Variants in TUBGCP3 observed in about 807,000 individuals in gnomAD.
TUBGCP3 encodes tubulin gamma complex component 3.
A neutral mutation model predicts 123.1 loss-of-function variants in TUBGCP3; 50 were observed. That is an observed-to-expected ratio of 0.41 (90% CI 0.32 to 0.51). The LOEUF (loss-of-function observed/expected upper bound fraction) is 0.51, where lower values mean the gene tolerates loss of function less well. TUBGCP3 is among the 20% of genes least tolerant of loss of function. The probability of loss-of-function intolerance (pLI) is 0.36; values close to 1 mark genes in which losing one functional copy is unlikely to be tolerated. For synonymous variants in TUBGCP3, 405 were observed against 413.9 expected (o/e 0.98, Z 0.26); for missense variants, 882 against 1,127.0 (o/e 0.78, Z 3.11).
chr13:112,525,178 T>C (rs755742860), intron 13 of TUBGCP3, among the ~76,000 whole-genome samples: 2 of 152,240 alleles, frequency 1.3e-5, no homozygotes, highest in Non-Finnish European at 1.5e-5. Flanking sequence ...TTATTTTCAC[T>C]ACAATCTTTA....
In TUBGCP3 at chr13:112,522,507, C is replaced by T. The variant is rs1876709479; in HGVS notation, c.1558G>A (p.Ala520Thr). ...TKSAESPQDA[A>T]DLFTDLENAF... Reference sequence around the variant, plus strand: ...TTTTCCAAGTCTGTGAATAGGTCTGCAGCTGTAAAGAACAACAGGGAAGAG... The same window carrying T: ...TTTTCCAAGTCTGTGAATAGGTCTGTAGCTGTAAAGAACAACAGGGAAGAG... The change falls in exon 14 of 22, where the codon GCA (alanine) becomes ACA (threonine). Residue 520 changes from alanine to threonine, a missense_variant and splice_region_variant. Physicochemically the swap from Ala to Thr is moderately conservative, Grantham distance 58. Coordinates refer to ENST00000261965, the MANE Select transcript of TUBGCP3 (RefSeq NM_006322.6). 6.2e-7 allele frequency: 1 copy of T among 1,610,450 alleles called. No homozygotes were observed. Among genetic ancestry groups the T allele is most frequent in the Admixed American group, 1.7e-5 (1 of 59,936 alleles).
intron 17 of TUBGCP3, among the ~76,000 whole-genome samples, chr13:112,506,902 C>A (rs552179182): frequency 1.3e-5 from 2 of 152,178 alleles, no homozygotes; most frequent in African/African-American, 2.4e-5. Context: ...TAGGTTTTAA[C>A]GCAGAGCTCA....
intron 16 of TUBGCP3, among the ~76,000 whole-genome samples, chr13:112,518,755 T>C (rs1488915338): frequency 6.6e-6 from 1 of 152,190 alleles, no homozygotes; most frequent in Non-Finnish European, 1.5e-5. Flanking sequence ...ACAAATGATA[T>C]TTTTAAGAAT....
chr13:112,518,712 A>G (rs976289791), intron 16 of TUBGCP3, among the ~76,000 whole-genome samples: 1 of 152,244 alleles, frequency 6.6e-6, no homozygotes, highest in Non-Finnish European at 1.5e-5. Context: ...TGAACAGTCC[A>G]TTTATTAAGG....
intron 1 of TUBGCP3, 121 bp downstream of exon 1, chr13:112,587,784 C>A: frequency 1.1e-6 from 1 of 901,710 alleles, no homozygotes; most frequent in South Asian, 1.9e-5. Flanking sequence ...CGGCCCGTCC[C>A]CCAGCCCTCT....
chr13:112,512,294 T>G (rs1257816725), intron 17 of TUBGCP3, among the ~76,000 whole-genome samples: 1 of 151,584 alleles, frequency 6.6e-6, no homozygotes. Context: ...CTGGGCATGG[T>G]GTACATGCCT....
intron 17 of TUBGCP3, among the ~76,000 whole-genome samples, chr13:112,506,933 C>A (rs370550246): frequency 1.5e-4 from 23 of 152,186 alleles, no homozygotes; most frequent in Non-Finnish European, 7.3e-5. Flanking sequence ...CTGTGTCTTA[C>A]CCCACTGAAG....
chr13:112,549,163 T>G (rs1402615549), intron 8 of TUBGCP3, among the ~76,000 whole-genome samples: 2 of 152,060 alleles, frequency 1.3e-5, no homozygotes, highest in African/African-American at 2.4e-5. Context: ...CCATAAAAAA[T>G]GATGAGTTCA....
chr13:112,600,818 T>G, the TUBGCP3 span, among the ~76,000 whole-genome samples: 1 of 152,184 alleles, frequency 6.6e-6, no homozygotes, highest in Non-Finnish European at 1.5e-5. Flanking sequence ...GGTCTATAGT[T>G]ACGGTTTTTG....
intron 11 of TUBGCP3, among the ~76,000 whole-genome samples, chr13:112,527,830 G>A (rs547794080): frequency 4.6e-5 from 7 of 152,284 alleles, no homozygotes; most frequent in African/African-American, 1.7e-4. Flanking sequence ...TCCCTCACAG[G>A]CAGCAGCTGT....
rs780916638 is a variant in TUBGCP3 at position 112,487,213 on chromosome 13, G to A, written c.2566-1062C>T. ...TGATGTGATGAAACTGAAATACAAC[G>A]GTCTGTGGAACTACTAAAAGGAAAT... On this transcript the variant is annotated intron_variant, in intron 21 of 21. Transcript: ENST00000261965. 2.0e-5 allele frequency among the ~76,000 whole-genome samples: 3 copies of A among 152,012 alleles called. No individual in the cohort carries two copies. In the East Asian group the frequency reaches 5.8e-4, roughly 29 times the overall value.
At chr13:112,541,063 T>C (rs78451902) in intron 11 of TUBGCP3, among the ~76,000 whole-genome samples, 1 of 152,288 alleles carries the variant, frequency 6.6e-6, no homozygotes, top group African/African-American at 2.4e-5. Context: ...AGTTTAAACA[T>C]ATTAAAGAAA....
At chr13:112,495,576 G>C (rs1344508348) in intron 20 of TUBGCP3, among the ~76,000 whole-genome samples, 2 of 152,104 alleles carry the variant, frequency 1.3e-5, no homozygotes, top group Non-Finnish European at 2.9e-5. Context: ...AATGATAACA[G>C]GGAGGGTTCT....
rs756788501 is a variant in TUBGCP3, at chr13:112,516,465, A to G, written c.2061T>C (p.Asn687=). Residue 687 remains asparagine (N), a synonymous_variant, in exon 17 of 22, where the codon AAT becomes AAC. Transcript: ENST00000261965. ...LTDIRKGHMC[N]AKLLRNMPEF... ...CTGGCATGTTTCTCAGGAGCTTTGC[A>G]TTGCACATGTGTCCCTTCCGTATGT... is the stretch of plus-strand genomic sequence containing the variant. 3.7e-6 allele frequency: 6 copies of G among 1,611,158 alleles called. No individual in the cohort carries two copies. The highest frequency in any genetic ancestry group is 3.3e-5 in the Admixed American group (2 of 59,764).
At chr13:112,528,854 G>GC (rs1877336682) in intron 11 of TUBGCP3, among the ~76,000 whole-genome samples, 1 of 150,306 alleles carries the variant, frequency 6.7e-6, no homozygotes. Context: ...ACCTAGATCT[G>GC]TTTTTTTTTC....
At chr13:112,551,952 G>A (rs1384923914) in intron 8 of TUBGCP3, among the ~76,000 whole-genome samples, 1 of 152,090 alleles carries the variant, frequency 6.6e-6, no homozygotes, top group Admixed American at 6.6e-5. Context: ...ATTCTCATAC[G>A]AAGCATGCAA....
chr13:112,489,932 G>T, intron 20 of TUBGCP3: 1 of 542,212 alleles, frequency 1.8e-6, no homozygotes, highest in Non-Finnish European at 3.3e-6. Flanking sequence ...TGCCTCTGTT[G>T]TTTTTAATAT....
intron 8 of TUBGCP3, among the ~76,000 whole-genome samples, chr13:112,550,886 CAGG>C (rs1404658499): frequency 1.3e-5 from 2 of 152,168 alleles, no homozygotes; most frequent in African/African-American, 4.8e-5. Flanking sequence ...ATCATGAGGT[CAGG>C]AGATTAAGAC....
intron 1 of TUBGCP3, among the ~76,000 whole-genome samples, chr13:112,571,698 T>C (rs530842025): frequency 6.6e-5 from 10 of 152,340 alleles, no homozygotes; most frequent in African/African-American, 2.4e-4. Context: ...GATGGCATCT[T>C]ATTCCAATAG....
Sources: allele counts gnomAD v4.1 joint callset (sites outside exome capture counted in the v4.1 genomes callset), GRCh38; gene constraint gnomAD v4.1.1; transcripts MANE v1.5; gene names NCBI Gene and HGNC (gene_info 2026-07-23, HGNC 2026-07-21).